The following PCDHGB6 variants were observed in gnomAD, a reference collection of about 807,000 sequenced individuals.
The protein encoded by PCDHGB6 is protocadherin gamma-B6.
A neutral mutation model predicts 59.1 loss-of-function variants in PCDHGB6; 51 were observed. That is an observed-to-expected ratio of 0.86 (90% confidence interval 0.69 to 1.09). The LOEUF (loss-of-function observed/expected upper bound fraction) is 1.09, where lower values mean the gene tolerates loss of function less well. PCDHGB6 is among the 50% of genes least tolerant of loss of function. The pLI, the probability that PCDHGB6 is intolerant of heterozygous loss-of-function variation, is 0.00. For missense variants in PCDHGB6, 1,148 were observed against 1,205.1 expected (o/e 0.95, Z 0.70); for synonymous variants, 466 against 495.1 (o/e 0.94, Z 0.78).
chr5:141,485,682 A>G lies in PCDHGB6; in HGVS notation c.2419-9125A>G, dbSNP rs779441999. Reference sequence around the variant, plus strand: ...GTGGGGAGCAATTCGATTAGCAGCTATAGGCTGAGCTCCAATGAACACTTT... The same window carrying G: ...GTGGGGAGCAATTCGATTAGCAGCTGTAGGCTGAGCTCCAATGAACACTTT... On this transcript the variant is annotated intron_variant, in intron 1 of 3. Coordinates refer to ENST00000520790, the MANE Select transcript of PCDHGB6 (RefSeq NM_018926.3). This position sits in a 1 kb window ranked among gnomAD's most constrained non-coding sequence, Gnocchi z 5.7. 6.2e-7 allele frequency: 1 copy of G among 1,614,076 alleles called. No homozygotes were observed. Among genetic ancestry groups the G allele is most frequent in the Non-Finnish European group, 8.5e-7 (1 of 1,179,964 alleles).
Position 141,489,653 on chromosome 5 carries a change from G to C in PCDHGB6, c.2419-5154G>C. ...TCTCCTAGCTTTGCCACCCCTGAGCGAGAGATGCGCATCTCAGAATCAGCA... is the reference window on the plus strand; with the variant it reads ...TCTCCTAGCTTTGCCACCCCTGAGCCAGAGATGCGCATCTCAGAATCAGCA... On this transcript the variant is annotated intron_variant, in intron 1 of 3. Coordinates refer to ENST00000520790, the MANE Select transcript of PCDHGB6 (RefSeq NM_018926.3). The surrounding 1 kb of genome is among the most constrained non-coding windows in gnomAD (Gnocchi z 4.5). 3 of 1,614,164 alleles carry C rather than the reference G, an allele frequency of 1.9e-6. No individual in the cohort carries two copies. The highest frequency in any genetic ancestry group is 2.5e-6 in the Non-Finnish European group (3 of 1,180,018).
At chr5:141,480,514 C>A (rs1015316945) in intron 1 of PCDHGB6, among the ~76,000 whole-genome samples, 2 of 127,196 alleles carry the variant, frequency 1.6e-5, no homozygotes, top group African/African-American at 7.3e-5. Flanking sequence ...TGAGAACAAC[C>A]AAAAATGACA....
intron 1 of PCDHGB6, among the ~76,000 whole-genome samples, chr5:141,450,829 ATTT>A (rs373424450): frequency 7.4e-6 from 1 of 135,126 alleles, no homozygotes; most frequent in African/African-American, 2.7e-5. Flanking sequence ...TATTATTATT[ATTT>A]TTTTTTTTTT....
chr5:141,508,647 C>T (rs1301017914), intron 3 of PCDHGB6, among the ~76,000 whole-genome samples: 4 of 152,090 alleles, frequency 2.6e-5, no homozygotes, highest in African/African-American at 9.7e-5. Flanking sequence ...CTCCGTCAGG[C>T]CCTTCCTGTC....
At chr5:141,501,557 G>A (rs192507373) in intron 2 of PCDHGB6, among the ~76,000 whole-genome samples, 1 of 152,124 alleles carries the variant, frequency 6.6e-6, no homozygotes, top group Non-Finnish European at 1.5e-5. Context: ...CATAGGCCCT[G>A]GAATCATATT....
chr5:141,410,032 G>C lies in PCDHGB6; in HGVS notation c.1830G>C (p.Gln610His), dbSNP rs1395086834. 3.1e-6 allele frequency: 5 copies of C among 1,613,162 alleles called. No homozygotes were observed. The highest frequency in any genetic ancestry group is 1.3e-5 in the African/African-American group (1 of 74,938). The change falls in exon 1 of 4, where the codon CAG (glutamine) becomes CAC (histidine). Residue 610 changes from glutamine (Q) to histidine (H), a missense_variant. By Grantham distance (24) the Gln-to-His change is conservative. Coordinates refer to ENST00000520790, the MANE Select transcript of PCDHGB6 (RefSeq NM_018926.3). ...CCTGGCTGTCCTACCACGTGCTGCA[G>C]GCCAGTGAGCCCGGACTCTTCAGCC... is the stretch of plus-strand genomic sequence containing the variant. The part of the protein sequence containing the change: ...HNAWLSYHVL[Q>H]ASEPGLFSLG...
At position 141,431,215 on chromosome 5, in the gene PCDHGB6, C is replaced by G. The variant is rs1225114172; in HGVS notation, c.2418+20595C>G. 1 of 1,614,184 alleles carries G rather than the reference C, an allele frequency of 6.2e-7. No individual in the cohort carries two copies. Among genetic ancestry groups the G allele is most frequent in the Admixed American group, 1.7e-5 (1 of 60,032 alleles). On this transcript the variant is annotated intron_variant, in intron 1 of 3. Coordinates refer to ENST00000520790, the MANE Select transcript of PCDHGB6 (RefSeq NM_018926.3). This position sits in a 1 kb window ranked among gnomAD's most constrained non-coding sequence, Gnocchi z 4.8. ...AAAATGCAGCCACTGAGATGCGGTTCCCTCTACCCCACGCCTGGGATCCGG... is the reference window on the plus strand; with the variant it reads ...AAAATGCAGCCACTGAGATGCGGTTGCCTCTACCCCACGCCTGGGATCCGG...
At chr5:141,430,991 A>T (rs2097333608) in intron 1 of PCDHGB6, 1 of 1,613,980 alleles carries the variant, frequency 6.2e-7, no homozygotes, top group African/African-American at 1.3e-5. Context: ...TTTCGCCCTG[A>T]ATCCGCGCAG....
Position 141,432,089 on chromosome 5 carries a change from G to A in PCDHGB6, c.2418+21469G>A, listed in dbSNP as rs1325165974. On this transcript the variant is annotated intron_variant, in intron 1 of 3. Transcript: ENST00000520790. The surrounding 1 kb of genome is among the most constrained non-coding windows in gnomAD (Gnocchi z 6.0). Reference sequence around the variant, plus strand: ...AACTCATATCTCGCTGAACGTGGCAGACACCAACGACAACCCGCCGGTCTT... The same window carrying A: ...AACTCATATCTCGCTGAACGTGGCAAACACCAACGACAACCCGCCGGTCTT... The A allele has an allele frequency of 6.2e-7, 1 of 1,614,046 alleles. No homozygotes were observed. Among genetic ancestry groups the A allele is most frequent in the Non-Finnish European group, 8.5e-7 (1 of 1,180,052 alleles).
chr5:141,428,587 G>C (rs914718913), intron 1 of PCDHGB6: 6 of 226,650 alleles, frequency 2.6e-5, no homozygotes, highest in Non-Finnish European at 5.3e-5. Flanking sequence ...AGTTTCTCTG[G>C]TAGCAAGCTT....
chr5:141,408,955 TA>T lies in PCDHGB6; in HGVS notation c.754del (p.Ser252ValfsTer13). On this transcript the variant is annotated frameshift_variant, in exon 1 of 4. Coordinates refer to ENST00000520790, the MANE Select transcript of PCDHGB6 (RefSeq NM_018926.3). LOFTEE classifies it high-confidence loss of function. ...FSRDEYRISL[S>X]ENLPPGSPVL... Reference sequence around the variant, plus strand: ...GCAGAGACGAATATAGAATTAGTCTTAGTGAAAATCTGCCCCCTGGGTCCCC... The same window carrying T: ...GCAGAGACGAATATAGAATTAGTCTTGTGAAAATCTGCCCCCTGGGTCCCC... 4 of 1,613,616 alleles carry T rather than the reference TA, an allele frequency of 2.5e-6. No individual in the cohort carries two copies. The highest frequency in any genetic ancestry group is 3.4e-6 in the Non-Finnish European group (4 of 1,179,776).
chr5:141,482,016 C>T (rs2099550411), intron 1 of PCDHGB6, among the ~76,000 whole-genome samples: 1 of 148,596 alleles, frequency 6.7e-6, no homozygotes, highest in African/African-American at 2.5e-5. Context: ...TCTCAGGAAG[C>T]AGAGGTTGCA....
intron 1 of PCDHGB6, among the ~76,000 whole-genome samples, chr5:141,457,215 T>C (rs1356941645): frequency 1.3e-5 from 2 of 152,186 alleles, no homozygotes; most frequent in South Asian, 2.1e-4. Flanking sequence ...AAATGTGGTG[T>C]GGTAGGTAAT....
chr5:141,478,767 C>T (rs953695562), intron 1 of PCDHGB6: 44 of 1,500,650 alleles, frequency 2.9e-5, no homozygotes, highest in Non-Finnish European at 3.9e-5. Context: ...ATACTTGACT[C>T]ATCTGTGGAC....
intron 1 of PCDHGB6, among the ~76,000 whole-genome samples, chr5:141,494,399 T>A (rs2099754028): frequency 6.6e-6 from 1 of 152,146 alleles, no homozygotes; most frequent in South Asian, 2.1e-4. Context: ...ATAAATTCAT[T>A]CTAGGGCTGG....
intron 1 of PCDHGB6, among the ~76,000 whole-genome samples, chr5:141,444,062 A>G (rs1335403906): frequency 6.7e-6 from 1 of 149,402 alleles, no homozygotes; most frequent in African/African-American, 2.5e-5. Context: ...TTCAATCTAG[A>G]TTCTGATGCT....
intron 1 of PCDHGB6, chr5:141,442,112 C>CTCG (rs2098300474): frequency 6.0e-6 from 1 of 166,158 alleles, no homozygotes; most frequent in Admixed American, 6.5e-5. Context: ...ACTACCGCCC[C>CTCG]TCGTCGCCGA....
At chr5:141,467,099 C>T (rs2099136810) in intron 1 of PCDHGB6, among the ~76,000 whole-genome samples, 1 of 149,976 alleles carries the variant, frequency 6.7e-6, no homozygotes, top group Admixed American at 6.7e-5. Context: ...GTCACACAGG[C>T]TGGAGTACAA....
In PCDHGB6 at chr5:141,500,452, G is replaced by A. The variant is rs554196222; in HGVS notation, c.2478-4941G>A. 2.6e-3 allele frequency among the ~76,000 whole-genome samples: 398 copies of A among 151,620 alleles called. 2 individuals carry two copies. The highest frequency in any genetic ancestry group is 0.021 in the South Asian group (99 of 4,798). On this transcript the variant is annotated intron_variant, in intron 2 of 3. Transcript: ENST00000520790. ...TCTCGATCTCCTGACCTCGTGATCC[G>A]CCCGCCTCGGCCTCCCAAAGTGCTG... is the stretch of plus-strand genomic sequence containing the variant.
Sources: gnomAD v4.1 joint callset for allele counts (sites outside exome capture counted in the v4.1 genomes callset) on GRCh38, gnomAD v4.1.1 for gene constraint, Gnocchi (gnomAD v3.1) non-coding constraint, MANE v1.5 for transcripts, NCBI Gene and HGNC (gene_info 2026-07-23, HGNC 2026-07-21) for gene names.